Variants in LOC728743 observed in about 807,000 individuals in gnomAD.
At chr7:150,403,198 G>C in the LOC728743 span, among the ~76,000 whole-genome samples, 1 of 152,158 alleles carries the variant, frequency 6.6e-6, no homozygotes, top group Non-Finnish European at 1.5e-5. The surrounding 1 kb of genome is among the most constrained non-coding windows in gnomAD (Gnocchi z 5.1). Context: ...GGAGACAGGG[G>C]AGGTGGGTGT....
chr7:150,408,203 C>A, the LOC728743 span: 1 of 392,380 alleles, frequency 2.5e-6, no homozygotes, highest in East Asian at 3.6e-5. Context: ...CCAGGCGGCC[C>A]ACTTAGGACG....
chr7:150,403,582 C>T, the LOC728743 span, among the ~76,000 whole-genome samples: 9 of 152,164 alleles, frequency 5.9e-5, no homozygotes, highest in Admixed American at 3.3e-4. This position sits in a 1 kb window ranked among gnomAD's most constrained non-coding sequence, Gnocchi z 5.1. Context: ...TGATGTGCTC[C>T]GAGTGGAGGC....
At chr7:150,412,177 C>T in the LOC728743 span, 1 of 152,390 alleles carries the variant, frequency 6.6e-6, no homozygotes, top group East Asian at 1.9e-4. Flanking sequence ...TGACTGGTGC[C>T]TCAAGCGCTG....
At chr7:150,401,651 C>T in the LOC728743 span, among the ~76,000 whole-genome samples, 2 of 152,152 alleles carry the variant, frequency 1.3e-5, no homozygotes, top group African/African-American at 4.8e-5. Flanking sequence ...AGAGAACAGC[C>T]TCTTTTGGGT....
the LOC728743 span, chr7:150,410,059 G>C: frequency 1.5e-5 from 6 of 398,350 alleles, no homozygotes; most frequent in Non-Finnish European, 2.7e-5. Flanking sequence ...CAGATTCAGG[G>C]TAGGCCAGCT....
At chr7:150,409,933 A>G in the LOC728743 span, among the ~76,000 whole-genome samples, 1 of 152,098 alleles carries the variant, frequency 6.6e-6, no homozygotes, top group Non-Finnish European at 1.5e-5. Flanking sequence ...GGGGCTTCGG[A>G]CACCTGGAGT....
the LOC728743 span, among the ~76,000 whole-genome samples, chr7:150,409,054 C>T: frequency 4.0e-5 from 6 of 151,622 alleles, no homozygotes; most frequent in Admixed American, 3.3e-4. Context: ...TCTTCGTCAC[C>T]CAGGGGAGTT....
At chr7:150,404,964 C>T in the LOC728743 span, 1 of 152,374 alleles carries the variant, frequency 6.6e-6, no homozygotes, top group Admixed American at 6.5e-5. Flanking sequence ...TCCGTCCGAC[C>T]CTCTTTCCTG....
At chr7:150,409,142 G>GA in the LOC728743 span, among the ~76,000 whole-genome samples, 2 of 136,576 alleles carry the variant, frequency 1.5e-5, no homozygotes, top group South Asian at 2.6e-4. Flanking sequence ...TGTTTTCAAG[G>GA]GAGGGGGGGT....
chr7:150,403,065 C>G, the LOC728743 span, among the ~76,000 whole-genome samples: 1 of 152,172 alleles, frequency 6.6e-6, no homozygotes, highest in Non-Finnish European at 1.5e-5. The surrounding 1 kb of genome is among the most constrained non-coding windows in gnomAD (Gnocchi z 5.1). Flanking sequence ...GATCCCTGTG[C>G]CAGCCACTGC....
the LOC728743 span, among the ~76,000 whole-genome samples, chr7:150,404,197 GTTC>G: frequency 1.6e-4 from 24 of 152,224 alleles, no homozygotes; most frequent in East Asian, 3.8e-4. Context: ...CCTATTTAAT[GTTC>G]TTCTACTACT....
At chr7:150,409,518 G>A in the LOC728743 span, among the ~76,000 whole-genome samples, 1 of 152,254 alleles carries the variant, frequency 6.6e-6, no homozygotes, top group Non-Finnish European at 1.5e-5. Flanking sequence ...GGTTTGCCAA[G>A]CTTGCCTACA....
the LOC728743 span, among the ~76,000 whole-genome samples, chr7:150,407,257 ATGAC>A: frequency 3.3e-5 from 5 of 152,138 alleles, no homozygotes; most frequent in African/African-American, 4.8e-5. Flanking sequence ...CAGAGGTGGC[ATGAC>A]TGACCCTCGT....
the LOC728743 span, chr7:150,404,831 C>G: frequency 6.6e-6 from 1 of 152,350 alleles, no homozygotes; most frequent in African/African-American, 2.4e-5. Flanking sequence ...AAACTGTCAG[C>G]GAGGGCAGCT....
At chr7:150,407,322 C>A in the LOC728743 span, among the ~76,000 whole-genome samples, 5 of 151,972 alleles carry the variant, frequency 3.3e-5, no homozygotes, top group Admixed American at 3.3e-4. Flanking sequence ...TGTTTAAGCC[C>A]GGGGTGGAAA....
the LOC728743 span, among the ~76,000 whole-genome samples, chr7:150,402,615 G>T: frequency 9.8e-5 from 15 of 152,370 alleles, no homozygotes; most frequent in Middle Eastern, 3.4e-3. Flanking sequence ...AAACAAAAGT[G>T]TGCTAAATTC....
chr7:150,410,232 TC>T, the LOC728743 span: 1 of 398,560 alleles, frequency 2.5e-6, no homozygotes, highest in Admixed American at 4.4e-5. Flanking sequence ...GGAATGGAGT[TC>T]CATGGAGGCC....
chr7:150,406,910 CT>C, the LOC728743 span, among the ~76,000 whole-genome samples: 1 of 152,210 alleles, frequency 6.6e-6, no homozygotes, highest in African/African-American at 2.4e-5. Flanking sequence ...GAGCTGCCGC[CT>C]TTAATGTTTA....
At chr7:150,402,521 T>G in the LOC728743 span, among the ~76,000 whole-genome samples, 1 of 152,270 alleles carries the variant, frequency 6.6e-6, no homozygotes, top group Admixed American at 6.5e-5. Context: ...AGACATCGAC[T>G]GAGGACCTAT....
Sources: gnomAD v4.1 joint callset for allele counts (sites outside exome capture counted in the v4.1 genomes callset) on GRCh38, gnomAD v4.1.1 for gene constraint, Gnocchi (gnomAD v3.1) non-coding constraint, MANE v1.5 for transcripts.